The following SEMA5B variants were observed in gnomAD, a reference collection of about 807,000 sequenced individuals.
SEMA5B encodes the protein semaphorin-5B.
In SEMA5B, 66 loss-of-function variants were observed where a neutral mutation model predicts 135.0. That is an observed-to-expected ratio of 0.49 (90% CI 0.40 to 0.60). SEMA5B has a LOEUF of 0.60. SEMA5B is among the 20% of genes least tolerant of loss of function. The pLI is 0.00. For missense variants in SEMA5B, 1,501 were observed against 1,566.3 expected, an observed-to-expected ratio of 0.96 and a Z score of 0.70; for synonymous variants, 690 against 639.5, an observed-to-expected ratio of 1.08 and a Z score of -1.19.
chr3:122,912,950 A>C lies in SEMA5B; in HGVS notation c.2618T>G (p.Phe873Cys). 6.2e-7 allele frequency: 1 copy of C among 1,612,598 alleles called. No individual in the cohort carries two copies. Among genetic ancestry groups the C allele is most frequent in the Non-Finnish European group, 8.5e-7 (1 of 1,179,450 alleles). ...AGTGCACGTTCTCTTGCGGACGCGGAAGCCCAGCTCGCAGTCCCGGGAGCA... is the reference window on the plus strand; with the variant it reads ...AGTGCACGTTCTCTTGCGGACGCGGCAGCCCAGCTCGCAGTCCCGGGAGCA... ...SSCSRDCELG[F>C]RVRKRTCTNP... is the part of the protein sequence containing the mutation. The change falls in exon 18 of 23, where the codon TTC becomes TGC. Residue 873 changes from phenylalanine to cysteine, a missense_variant. Coordinates refer to ENST00000357599, the MANE Select transcript of SEMA5B (RefSeq NM_001031702.4).
chr3:122,947,967 C>A (rs905309825), intron 3 of SEMA5B, among the ~76,000 whole-genome samples: 1 of 152,052 alleles, frequency 6.6e-6, no homozygotes, highest in Non-Finnish European at 1.5e-5. Context: ...AATTTACAGA[C>A]CCCTTGGAAT....
At chr3:123,009,233 G>T (rs1942383140) in intron 1 of SEMA5B, among the ~76,000 whole-genome samples, 1 of 152,166 alleles carries the variant, frequency 6.6e-6, no homozygotes, top group South Asian at 2.1e-4. Flanking sequence ...GGTTCTCAGT[G>T]CAGGGAGCGG....
At chr3:122,998,676 T>C (rs1273817197) in intron 1 of SEMA5B, among the ~76,000 whole-genome samples, 1 of 152,146 alleles carries the variant, frequency 6.6e-6, no homozygotes, top group African/African-American at 2.4e-5. Flanking sequence ...AGGTGTGACT[T>C]CATCCCTGAC....
At chr3:122,912,459 C>CG in intron 18 of SEMA5B, 117 bp from the exon 19 acceptor site, 1 of 932,468 alleles carries the variant, frequency 1.1e-6, no homozygotes, top group Admixed American at 3.2e-5. Context: ...CAACATCCAC[C>CG]CGATCCACCC....
intron 1 of SEMA5B, among the ~76,000 whole-genome samples, chr3:122,975,591 C>G (rs189302743): frequency 1.3e-5 from 2 of 152,188 alleles, no homozygotes; most frequent in African/African-American, 2.4e-5. Flanking sequence ...ATAATGTTTG[C>G]GGAAGCACAT....
chr3:123,001,008 G>A (rs984421842), intron 1 of SEMA5B, among the ~76,000 whole-genome samples: 5 of 152,164 alleles, frequency 3.3e-5, no homozygotes, highest in Admixed American at 1.3e-4. Context: ...ATGGGGAGCC[G>A]GCTGATCCCC....
At chr3:122,932,785 T>G (rs1939047068) in intron 5 of SEMA5B, among the ~76,000 whole-genome samples, 1 of 152,160 alleles carries the variant, frequency 6.6e-6, no homozygotes, top group African/African-American at 2.4e-5. Context: ...TTCTTTAACC[T>G]TCACCTTCCC....
intron 1 of SEMA5B, among the ~76,000 whole-genome samples, chr3:123,002,477 C>T (rs766366326): frequency 6.6e-6 from 1 of 152,216 alleles, no homozygotes; most frequent in East Asian, 1.9e-4. Context: ...CAGACGGATG[C>T]AAACTCCTGC....
intron 2 of SEMA5B, among the ~76,000 whole-genome samples, chr3:122,949,621 T>A (rs1004520112): frequency 6.6e-6 from 1 of 152,256 alleles, no homozygotes; most frequent in Non-Finnish European, 1.5e-5. Flanking sequence ...AGCCACATTA[T>A]AAGACAGTAT....
intron 5 of SEMA5B, among the ~76,000 whole-genome samples, chr3:122,935,089 A>AT (rs968890446): frequency 2.0e-5 from 3 of 152,124 alleles, no homozygotes; most frequent in African/African-American, 7.2e-5. Flanking sequence ...AAATTACGTG[A>AT]TAAAAAAAAG....
Position 122,921,234 on chromosome 3 carries a change from G to A in SEMA5B, c.1688+681C>T, listed in dbSNP as rs371611248. ...TCATGAAAATGAGGCCATGCAGCCT[G>A]GGAGAGCCTCGGGTGGTAGGAGTCT... On this transcript the variant is annotated intron_variant, in intron 12 of 22. Coordinates refer to ENST00000357599, the MANE Select transcript of SEMA5B (RefSeq NM_001031702.4). Among the ~76,000 whole-genome samples the A allele has an allele frequency of 4.1e-4, 63 of 152,372 alleles. 2 individuals are homozygous for A. Among genetic ancestry groups the A allele is most frequent in the African/African-American group, 1.5e-3 (63 of 41,596 alleles).
chr3:122,912,121 G>C (rs1171386026), intron 19 of SEMA5B, 51 bp downstream of exon 19: 1 of 1,587,636 alleles, frequency 6.3e-7, no homozygotes, highest in Non-Finnish European at 8.6e-7. Flanking sequence ...CCCTGGTGGG[G>C]ATCAGAGGGC....
chr3:122,923,156 A>G (rs1159596361), intron 10 of SEMA5B, among the ~76,000 whole-genome samples: 1 of 152,136 alleles, frequency 6.6e-6, no homozygotes. Flanking sequence ...CCCTTTCTCC[A>G]TGGGGATGGG....
chr3:122,945,606 T>A (rs959060360), intron 3 of SEMA5B, among the ~76,000 whole-genome samples: 2 of 152,160 alleles, frequency 1.3e-5, no homozygotes, highest in African/African-American at 4.8e-5. Context: ...CCTGTCCCTA[T>A]GAGACTGGGT....
rs1349555736 is a variant in SEMA5B at position 122,922,036 on chromosome 3, C to G, written c.1567G>C (p.Gly523Arg). The G allele has an allele frequency of 6.7e-7, 1 of 1,496,524 alleles. No homozygotes were observed. Among genetic ancestry groups the G allele is most frequent in the Admixed American group, 2.3e-5 (1 of 43,064 alleles). 92.7% of individuals were successfully genotyped at this position (1,496,524 alleles called of 1,614,324 possible). Residue 523 changes from glycine (G) to arginine (R), a missense_variant, in exon 12 of 23, where the codon GGG (glycine) becomes CGG (arginine). Physicochemically the swap from Gly to Arg is moderately radical, Grantham distance 125. Coordinates refer to ENST00000357599, the MANE Select transcript of SEMA5B (RefSeq NM_001031702.4). ...AGGCTGCGCAGGGGCTCGCGGCGCC[C>G]GGGGGGCAGCACGTGCAGCTCCTCC... The part of the protein sequence containing the change: ...YLEELHVLPP[G>R]RREPLRSLRI...
At chr3:123,024,618 T>C (rs1942758422) in intron 1 of SEMA5B, among the ~76,000 whole-genome samples, 1 of 152,106 alleles carries the variant, frequency 6.6e-6, no homozygotes, top group Non-Finnish European at 1.5e-5. Context: ...GAACTTATCA[T>C]CTGACAGAAG....
intron 19 of SEMA5B, 33 bp from the exon 20 acceptor site, chr3:122,912,102 C>T: frequency 1.3e-6 from 2 of 1,596,166 alleles, no homozygotes; most frequent in Non-Finnish European, 8.6e-7. Context: ...GGTTAACTGC[C>T]CAGGGACCCC....
intron 2 of SEMA5B, among the ~76,000 whole-genome samples, chr3:122,952,108 C>T (rs902258523): frequency 6.6e-6 from 1 of 152,180 alleles, no homozygotes; most frequent in Non-Finnish European, 1.5e-5. Context: ...GGCTCAAACT[C>T]GTTCATACTT....
At chr3:122,930,018 C>T (rs964290621) in intron 5 of SEMA5B, among the ~76,000 whole-genome samples, 11 of 152,236 alleles carry the variant, frequency 7.2e-5, no homozygotes, top group Non-Finnish European at 1.2e-4. Flanking sequence ...TAAACATGAA[C>T]TGCCTATCTG....
Sources: allele counts gnomAD v4.1 joint callset (sites outside exome capture counted in the v4.1 genomes callset), GRCh38; gene constraint gnomAD v4.1.1; transcripts MANE v1.5; gene names NCBI Gene and HGNC (gene_info 2026-07-23, HGNC 2026-07-21).